The following MGAT4C variants were observed in gnomAD, a reference collection of about 807,000 sequenced individuals.
The protein encoded by MGAT4C is alpha-1,3-mannosyl-glycoprotein 4-beta-N-acetylglucosaminyltransferase C.
A neutral mutation model predicts 40.1 loss-of-function variants in MGAT4C; 19 were observed. The ratio of observed to expected loss-of-function variants is 0.47; its 90% CI spans 0.33 to 0.70. The LOEUF (loss-of-function observed/expected upper bound fraction) is 0.70. MGAT4C is among the 30% of genes least tolerant of loss of function. The probability of loss-of-function intolerance (pLI) is 0.02; values close to 1 mark genes in which losing one functional copy is unlikely to be tolerated. For synonymous variants in MGAT4C, 181 were observed against 187.1 expected (o/e 0.97, Z 0.27); for missense variants, 491 against 563.2 (o/e 0.87, Z 1.30).
chr12:86,734,376 G>A (rs1950954197), intron 1 of MGAT4C, among the ~76,000 whole-genome samples: 1 of 151,992 alleles, frequency 6.6e-6, no homozygotes, highest in African/African-American at 2.4e-5. Context: ...GGGAGTAGAG[G>A]GGAATGCATG....
At chr12:86,655,616 G>C (rs78716451) in intron 2 of MGAT4C, among the ~76,000 whole-genome samples, 3,415 of 152,044 alleles carry the variant, frequency 0.022, 52 homozygotes, top group Non-Finnish European at 0.033. Flanking sequence ...TATTCCTCAA[G>C]CATGCTGCCA....
intron 2 of MGAT4C, among the ~76,000 whole-genome samples, chr12:86,628,790 A>T (rs1962913441): frequency 2.6e-5 from 4 of 152,206 alleles, no homozygotes; most frequent in Admixed American, 2.6e-4. Flanking sequence ...CACTGCAAAA[A>T]CATGCCAAAT....
chr12:86,077,711 C>T (rs1411802881), intron 1 of MGAT4C, among the ~76,000 whole-genome samples: 2 of 152,284 alleles, frequency 1.3e-5, no homozygotes, highest in East Asian at 1.9e-4. Flanking sequence ...TGTAGTCCTG[C>T]CTGGATTGGG....
intron 2 of MGAT4C, chr12:86,002,113 C>T (rs958992691): frequency 1.3e-5 from 2 of 152,124 alleles, no homozygotes; most frequent in African/African-American, 2.4e-5. Context: ...TCCTCCCAGA[C>T]GTTTTTCCTT....
chr12:86,835,991 A>G (rs1204120730), intron 1 of MGAT4C, among the ~76,000 whole-genome samples: 1 of 151,954 alleles, frequency 6.6e-6, no homozygotes, highest in Non-Finnish European at 1.5e-5. Context: ...GCGGTGCACA[A>G]ACTACGTATT....
chr12:86,172,786 A>G (rs566432625), intron 1 of MGAT4C, among the ~76,000 whole-genome samples: 3 of 152,078 alleles, frequency 2.0e-5, no homozygotes, highest in Admixed American at 6.6e-5. Context: ...GTGATGGTAA[A>G]ACAAAAATGA....
intron 1 of MGAT4C, among the ~76,000 whole-genome samples, chr12:86,051,061 C>T (rs756320653): frequency 2.6e-5 from 4 of 151,904 alleles, no homozygotes; most frequent in Non-Finnish European, 4.4e-5. Flanking sequence ...TTGGTCACAG[C>T]AAGGTGTTTG....
At chr12:86,757,852 A>T (rs1313407276) in intron 1 of MGAT4C, among the ~76,000 whole-genome samples, 1 of 152,068 alleles carries the variant, frequency 6.6e-6, no homozygotes, top group African/African-American at 2.4e-5. Context: ...GTTCAGCTAA[A>T]ACCATAGCCT....
At chr12:86,191,673 A>ACACACACC (rs1555243691) in intron 1 of MGAT4C, among the ~76,000 whole-genome samples, 4 of 122,316 alleles carry the variant, frequency 3.3e-5, no homozygotes, top group Admixed American at 8.0e-5. Flanking sequence ...ACACACACAC[A>ACACACACC]CCCTTATCTC....
At chr12:86,764,055 T>C (rs930729363) in intron 1 of MGAT4C, among the ~76,000 whole-genome samples, 5 of 151,994 alleles carry the variant, frequency 3.3e-5, no homozygotes, top group African/African-American at 1.2e-4. Context: ...CGAAGCAGGG[T>C]GAGGCATTGC....
intron 2 of MGAT4C, among the ~76,000 whole-genome samples, chr12:86,698,662 A>G (rs1950301899): frequency 6.6e-6 from 1 of 151,716 alleles, no homozygotes; most frequent in Non-Finnish European, 1.5e-5. Context: ...TGTCATAAGT[A>G]TGTACAGCTG....
At chr12:86,372,909 T>C (rs1184998737) in intron 3 of MGAT4C, among the ~76,000 whole-genome samples, 2 of 151,584 alleles carry the variant, frequency 1.3e-5, no homozygotes, top group East Asian at 1.9e-4. Flanking sequence ...AGTATAATTA[T>C]ATTGTTAAAC....
rs1353714055 is a variant in MGAT4C, at chr12:86,035,284, T to C, written c.-7+14390A>G. On this transcript the variant is annotated intron_variant, in intron 2 of 4. Coordinates refer to ENST00000611864, the MANE Select transcript of MGAT4C (RefSeq NM_001351288.2). ...CCATTCTTACTAGCATGAAACAGCATCTTGGTATCTCATTGTGGTTTTGCT... is the reference window on the plus strand; with the variant it reads ...CCATTCTTACTAGCATGAAACAGCACCTTGGTATCTCATTGTGGTTTTGCT... 2.0e-5 allele frequency among the ~76,000 whole-genome samples: 3 copies of C among 149,536 alleles called. 1 individual carries two copies. The highest frequency in any genetic ancestry group is 4.5e-5 in the Non-Finnish European group (3 of 66,488).
intron 2 of MGAT4C, among the ~76,000 whole-genome samples, chr12:86,629,971 T>A (rs915386836): frequency 6.6e-6 from 1 of 152,134 alleles, no homozygotes; most frequent in Non-Finnish European, 1.5e-5. Context: ...GGAGCCGGTT[T>A]TTTGAAAAGA....
intron 1 of MGAT4C, among the ~76,000 whole-genome samples, chr12:86,170,241 A>G (rs1325797726): frequency 1.3e-5 from 2 of 152,238 alleles, no homozygotes; most frequent in Non-Finnish European, 2.9e-5. Flanking sequence ...TTGTCATGCT[A>G]TGAGAATCCT....
chr12:86,454,236 C>CT (rs974864045), intron 2 of MGAT4C, among the ~76,000 whole-genome samples: 33 of 150,788 alleles, frequency 2.2e-4, no homozygotes, highest in Middle Eastern at 3.5e-3. Flanking sequence ...TTATTACATC[C>CT]TTTTTTTTTA....
Position 85,968,196 on chromosome 12 carries a change from T to G in MGAT4C, c.*11093A>C, listed in dbSNP as rs538003217. 6.6e-6 allele frequency: 1 copy of G among 152,196 alleles called. No homozygotes were observed. The highest frequency in any genetic ancestry group is 2.1e-4 in the South Asian group (1 of 4,832). 9.4% of individuals were successfully genotyped at this position (152,196 alleles called of 1,614,324 possible). A position where few individuals can be genotyped will look rare whatever the true frequency, so the allele number is the denominator to read the frequency against. On this transcript the variant is annotated 3_prime_UTR_variant, in exon 5 of 5. Transcript: ENST00000611864. ...AGTCCACTGTGGAAAACTGATAGTT[T>G]TTCTCCTTCTTTCTTGAATATGTTT... is the stretch of plus-strand genomic sequence containing the variant.
At position 86,037,690 on chromosome 12, in the gene MGAT4C, G is replaced by A. The variant is rs918858823; in HGVS notation, c.-7+11984C>T. 2.5e-4 allele frequency among the ~76,000 whole-genome samples: 24 copies of A among 97,092 alleles called. 3 individuals are homozygous for A. The highest frequency in any genetic ancestry group is 1.9e-3 in the Admixed American group (18 of 9,368). 63.7% of individuals were successfully genotyped at this position (97,092 alleles called of 152,430 possible). ...TTATTTCCATTCTTTTGCATTTGCTGAGGAGTGTTTTACTTCCAATTATTT... is the reference window on the plus strand; with the variant it reads ...TTATTTCCATTCTTTTGCATTTGCTAAGGAGTGTTTTACTTCCAATTATTT... On this transcript the variant is annotated intron_variant, in intron 2 of 4. Coordinates refer to ENST00000611864, the MANE Select transcript of MGAT4C (RefSeq NM_001351288.2).
intron 1 of MGAT4C, among the ~76,000 whole-genome samples, chr12:86,239,757 T>C (rs1951698735): frequency 6.6e-6 from 1 of 151,756 alleles, no homozygotes; most frequent in Non-Finnish European, 1.5e-5. Context: ...TAATGGCATT[T>C]TTAATGCTTT....
Sources: gnomAD v4.1 joint callset for allele counts (sites outside exome capture counted in the v4.1 genomes callset) on GRCh38, gnomAD v4.1.1 for gene constraint, MANE v1.5 for transcripts, NCBI Gene and HGNC (gene_info 2026-07-23, HGNC 2026-07-21) for gene names.